Variants in PRIMPOL observed in about 807,000 individuals in gnomAD.
PRIMPOL encodes the protein primase and DNA directed polymerase.
A neutral mutation model predicts 63.6 loss-of-function variants in PRIMPOL; 54 were observed. That is an observed-to-expected ratio of 0.85 (90% CI 0.68 to 1.07). The LOEUF (loss-of-function observed/expected upper bound fraction) is 1.07. PRIMPOL is among the 50% of genes least tolerant of loss of function. The pLI is 0.00. For synonymous variants in PRIMPOL, 197 were observed against 220.2 expected, an observed-to-expected ratio of 0.89 and a Z score of 0.93; for missense variants, 610 against 648.3, an observed-to-expected ratio of 0.94 and a Z score of 0.64.
At chr4:184,666,161 G>T (rs901831114) in intron 6 of PRIMPOL, 97 bp downstream of exon 6, 5 of 920,040 alleles carry the variant, frequency 5.4e-6, no homozygotes, top group Admixed American at 3.1e-5. Flanking sequence ...AAGTTTTATG[G>T]TCATTAACTT....
At chr4:184,653,609 C>T (rs1010047646) in intron 2 of PRIMPOL, among the ~76,000 whole-genome samples, 2 of 152,202 alleles carry the variant, frequency 1.3e-5, no homozygotes, top group Admixed American at 6.5e-5. Context: ...CTGGGCCTCC[C>T]AAAGTGCTGG....
chr4:184,681,538 T>G (rs1288720095), intron 8 of PRIMPOL, among the ~76,000 whole-genome samples: 1 of 151,980 alleles, frequency 6.6e-6, no homozygotes, highest in Non-Finnish European at 1.5e-5. Flanking sequence ...TTGTATTATT[T>G]TTATTATTTT....
intron 7 of PRIMPOL, among the ~76,000 whole-genome samples, chr4:184,675,183 G>A (rs972137080): frequency 6.6e-6 from 1 of 152,158 alleles, no homozygotes; most frequent in Non-Finnish European, 1.5e-5. Context: ...ACTTATTATG[G>A]CAGTGTAGTA....
At chr4:184,654,025 T>A (rs1425625579) in intron 2 of PRIMPOL, among the ~76,000 whole-genome samples, 28 of 152,258 alleles carry the variant, frequency 1.8e-4, no homozygotes, top group Admixed American at 1.8e-3. Flanking sequence ...GAACTTCTCT[T>A]TCTTCTTCTG....
intron 9 of PRIMPOL, among the ~76,000 whole-genome samples, chr4:184,683,705 C>T (rs1241596604): frequency 1.3e-5 from 2 of 151,908 alleles, no homozygotes; most frequent in Non-Finnish European, 2.9e-5. Context: ...CATTCCTCTA[C>T]TGAAGAACAT....
At position 184,694,610 on chromosome 4, in the gene PRIMPOL, C is replaced by A. The variant is rs14969; in HGVS notation, c.1514C>A (p.Thr505Lys). The A allele has an allele frequency of 0.15, 247,462 of 1,613,054 alleles. 20,377 individuals are homozygous for A. The highest frequency in any genetic ancestry group is 0.27 in the African/African-American group (20,593 of 74,884). The change falls in exon 14 of 14, where the codon ACA (threonine) becomes AAA (lysine). Residue 505 changes from threonine (T) to lysine (K), a missense_variant. Around this residue, in one of 3 missense-constraint regions of PRIMPOL, gnomAD observed 444 missense variants for 456.4 expected, o/e 0.97. Coordinates refer to ENST00000314970, the MANE Select transcript of PRIMPOL (RefSeq NM_152683.4). Reference sequence around the variant, plus strand: ...AAACCATCACCTAGCAGGCTGTCAACAGGTGCATCTGCTGATGCTGTCTGG... The same window carrying A: ...AAACCATCACCTAGCAGGCTGTCAAAAGGTGCATCTGCTGATGCTGTCTGG... ...PHKPSPSRLS[T>K]GASADAVWDN... is the part of the protein sequence containing the mutation.
At chr4:184,657,618 G>C (rs1348497761) in intron 3 of PRIMPOL, 1 of 203,388 alleles carries the variant, frequency 4.9e-6, no homozygotes, top group African/African-American at 2.3e-5. Flanking sequence ...ATGCTTAGAG[G>C]GAGGGGAACC....
chr4:184,659,924 CGTT>C (rs995436409), intron 4 of PRIMPOL, among the ~76,000 whole-genome samples: 2 of 152,104 alleles, frequency 1.3e-5, no homozygotes, highest in Non-Finnish European at 2.9e-5. Context: ...GAGTGCAAGT[CGTT>C]GTTCTGCCTC....
At chr4:184,651,477 T>C (rs1045213489) in intron 1 of PRIMPOL, among the ~76,000 whole-genome samples, 5 of 152,072 alleles carry the variant, frequency 3.3e-5, no homozygotes, top group Admixed American at 2.0e-4. Context: ...CTCCCAACCT[T>C]AACAGTGGCT....
intron 8 of PRIMPOL, among the ~76,000 whole-genome samples, chr4:184,681,619 G>C (rs761558469): frequency 2.0e-5 from 3 of 151,822 alleles, no homozygotes; most frequent in Non-Finnish European, 4.4e-5. Context: ...CTGTCTCCCA[G>C]GCTGGAGTGC....
rs981210083 is a variant in PRIMPOL at position 184,694,733 on chromosome 4, T to C, written c.1637T>C (p.Val546Ala). Residue 546 changes from valine (V) to alanine (A), a missense_variant, in exon 14 of 14, where the codon GTG (valine) becomes GCG (alanine). Val to Ala is a moderately conservative substitution (Grantham distance 64, BLOSUM62 0). Transcript: ENST00000314970. ...ENSLLSYNSE[V>A]DEIPDELIIE... Reference sequence around the variant, plus strand: ...AGTCTTCTCAGTTATAACAGTGAAGTGGATGAAATTCCTGATGAACTAATT... The same window carrying C: ...AGTCTTCTCAGTTATAACAGTGAAGCGGATGAAATTCCTGATGAACTAATT... 3.7e-6 allele frequency: 6 copies of C among 1,611,660 alleles called. No homozygotes were observed. Among genetic ancestry groups the C allele is most frequent in the Non-Finnish European group, 5.1e-6 (6 of 1,177,720 alleles).
chr4:184,657,121 C>T lies in PRIMPOL; in HGVS notation c.-20C>T, dbSNP rs772730623. Reference sequence around the variant, plus strand: ...AATATTACGTGGGATAGGATTTATTCTCTCCACACTTCTGAACCAATGAAT... The same window carrying T: ...AATATTACGTGGGATAGGATTTATTTTCTCCACACTTCTGAACCAATGAAT... On this transcript the variant is annotated 5_prime_UTR_variant, in exon 3 of 14. Coordinates refer to ENST00000314970, the MANE Select transcript of PRIMPOL (RefSeq NM_152683.4). 1 of 1,538,014 alleles carries T rather than the reference C, an allele frequency of 6.5e-7. No individual in the cohort carries two copies. Among genetic ancestry groups the T allele is most frequent in the Admixed American group, 2.0e-5 (1 of 49,180 alleles).
intron 4 of PRIMPOL, among the ~76,000 whole-genome samples, chr4:184,659,815 A>T (rs945844889): frequency 2.6e-5 from 4 of 151,988 alleles, no homozygotes. Context: ...TATTAGCTTT[A>T]GTTTTAATTT....
intron 6 of PRIMPOL, among the ~76,000 whole-genome samples, chr4:184,668,585 G>C (rs4440267): frequency 7.9e-4 from 120 of 152,122 alleles, no homozygotes; most frequent in African/African-American, 2.7e-3. Context: ...TGTCTAAACC[G>C]TTGTGCCTCC....
Position 184,661,907 on chromosome 4 carries a change from A to C in PRIMPOL, c.408+4A>C. On this transcript the variant is annotated splice_donor_region_variant and intron_variant, in intron 5 of 13. Coordinates refer to ENST00000314970, the MANE Select transcript of PRIMPOL (RefSeq NM_152683.4). Reference sequence around the variant, plus strand: ...GATGGTTGCATTACTCATTGAGGTAAATGGCCAACTCAAGTTTTTCTTATT... The same window carrying C: ...GATGGTTGCATTACTCATTGAGGTACATGGCCAACTCAAGTTTTTCTTATT... 1 of 1,601,466 alleles carries C rather than the reference A, an allele frequency of 6.2e-7. No homozygotes were observed. Among genetic ancestry groups the C allele is most frequent in the Middle Eastern group, 1.7e-4 (1 of 6,026 alleles).
intron 2 of PRIMPOL, among the ~76,000 whole-genome samples, chr4:184,655,108 C>T (rs1282502859): frequency 1.3e-5 from 2 of 151,814 alleles, no homozygotes; most frequent in African/African-American, 4.8e-5. Context: ...CTCCTGGGTT[C>T]AAGCAATTTT....
intron 7 of PRIMPOL, among the ~76,000 whole-genome samples, chr4:184,674,858 G>A (rs566586955): frequency 3.5e-4 from 54 of 152,194 alleles, no homozygotes; most frequent in South Asian, 1.7e-3. Flanking sequence ...CTGAAACGGC[G>A]ACAACAGCAG....
chr4:184,672,543 T>A, intron 7 of PRIMPOL, 83 bp downstream of exon 7: 1 of 1,375,394 alleles, frequency 7.3e-7, no homozygotes, highest in Non-Finnish European at 1.0e-6. Context: ...GTCACCGTGC[T>A]CGGGATTCTT....
chr4:184,694,271 A>G (rs1485810981), intron 13 of PRIMPOL: 6 of 1,209,414 alleles, frequency 5.0e-6, no homozygotes, highest in Non-Finnish European at 6.2e-6. Flanking sequence ...GGAGTATTGA[A>G]AAGTATGTGC....
Sources: allele counts gnomAD v4.1 joint callset (sites outside exome capture counted in the v4.1 genomes callset), GRCh38; gene constraint gnomAD v4.1.1; regional missense constraint gnomAD v4.1.1; transcripts MANE v1.5; gene names NCBI Gene and HGNC (gene_info 2026-07-23, HGNC 2026-07-21).